The following DNAH8 variants were observed in gnomAD, a reference collection of about 807,000 sequenced individuals.
The protein encoded by DNAH8 is dynein axonemal heavy chain 8.
In DNAH8, 382 loss-of-function variants were observed where a neutral mutation model predicts 562.1. That is an observed-to-expected ratio of 0.68 (90% CI 0.63 to 0.74). The LOEUF is 0.74. DNAH8 is among the 30% of genes least tolerant of loss of function. The pLI, the probability that DNAH8 is intolerant of heterozygous loss-of-function variation, is 0.00. For synonymous variants in DNAH8, 1,881 were observed against 1,919.4 expected, an observed-to-expected ratio of 0.98 and a Z score of 0.52; for missense variants, 5,203 against 5,620.4, an observed-to-expected ratio of 0.93 and a Z score of 2.37.
intron 12 of DNAH8, among the ~76,000 whole-genome samples, chr6:38,771,038 G>T (rs1014179352): frequency 3.3e-5 from 5 of 152,166 alleles, no homozygotes; most frequent in Admixed American, 1.3e-4. Context: ...AGGACTGGTT[G>T]GGAAGGAGTG....
chr6:39,018,471 C>T (rs145512522), intron 91 of DNAH8, among the ~76,000 whole-genome samples: 9 of 152,300 alleles, frequency 5.9e-5, no homozygotes, highest in Non-Finnish European at 1.2e-4. Context: ...GTGCTCTTCT[C>T]GGCAACTTCT....
At chr6:39,010,150 C>G (rs1766092961) in intron 89 of DNAH8, among the ~76,000 whole-genome samples, 1 of 152,034 alleles carries the variant, frequency 6.6e-6, no homozygotes. Context: ...CCAGCAGAAA[C>G]AGCATCAGGG....
chr6:38,886,523 T>C (rs770093142), intron 56 of DNAH8, among the ~76,000 whole-genome samples: 5 of 152,210 alleles, frequency 3.3e-5, no homozygotes, highest in Admixed American at 6.5e-5. Flanking sequence ...AAATATCTTA[T>C]AACTCACATA....
Position 38,913,868 on chromosome 6 carries a change from G to A in DNAH8, c.9879G>A (p.Glu3293=). Residue 3293 remains glutamate, a synonymous_variant, in exon 67 of 93, where the codon GAG becomes GAA. Transcript: ENST00000327475. ...GTAAAGGTCTTGATAAACTAATGGA[G>A]GCAAGTGAATCTGTTGCTAAACTCT... The part of the protein sequence containing the change: ...RMNIGLDKLM[E]ASESVAKLSQ... The A allele has an allele frequency of 6.2e-7, 1 of 1,612,944 alleles. No individual in the cohort carries two copies. Among genetic ancestry groups the A allele is most frequent in the Non-Finnish European group, 8.5e-7 (1 of 1,179,234 alleles).
intron 87 of DNAH8, 186 bp downstream of exon 87, chr6:38,984,493 C>CACA (rs1234675465): frequency 5.4e-6 from 3 of 552,820 alleles, no homozygotes; most frequent in Non-Finnish European, 6.5e-6. Context: ...CACACACACA[C>CACA]ACAACAACCA....
chr6:38,868,340 C>T, intron 48 of DNAH8, 144 bp downstream of exon 48: 1 of 790,142 alleles, frequency 1.3e-6, no homozygotes, highest in Admixed American at 3.1e-5. Context: ...ACTGTGCTTC[C>T]AGAAGAAAGC....
intron 81 of DNAH8, 139 bp downstream of exon 81, chr6:38,949,709 T>C: frequency 3.3e-6 from 2 of 606,914 alleles, no homozygotes; most frequent in Non-Finnish European, 5.9e-6. Flanking sequence ...TGTGCCAACC[T>C]AATATTATAA....
chr6:38,761,863 C>A, intron 11 of DNAH8, 60 bp downstream of exon 11: 1 of 1,025,072 alleles, frequency 9.8e-7, no homozygotes, highest in Non-Finnish European at 1.4e-6. Flanking sequence ...CCCAATTTTA[C>A]TTTGTTTATT....
At chr6:38,911,359 T>G in intron 65 of DNAH8, 109 bp from the exon 66 acceptor site, 1 of 834,650 alleles carries the variant, frequency 1.2e-6, no homozygotes, top group Non-Finnish European at 2.1e-6. Flanking sequence ...CCTGTCTTCC[T>G]GCTAGTGAAT....
At chr6:38,973,574 G>GT in intron 83 of DNAH8, 87 bp from the exon 84 acceptor site, 1 of 1,092,242 alleles carries the variant, frequency 9.2e-7, no homozygotes. Context: ...TATTCACATG[G>GT]TTTTTAAAAA....
chr6:38,887,005 G>A lies in DNAH8; in HGVS notation c.8473+1G>A, dbSNP rs375330692. The A allele has an allele frequency of 1.5e-5, 23 of 1,584,648 alleles. No individual in the cohort carries two copies. Among genetic ancestry groups the A allele is most frequent in the Non-Finnish European group, 1.9e-5 (22 of 1,153,740 alleles). Reference sequence around the variant, plus strand: ...AATGCTTCAATAGACAAAATTTTTGGTATGAATATTCTTAGCGTTTATTTT... The same window carrying A: ...AATGCTTCAATAGACAAAATTTTTGATATGAATATTCTTAGCGTTTATTTT... On this transcript the variant is annotated splice_donor_variant, in intron 57 of 92. Coordinates refer to ENST00000327475, the MANE Select transcript of DNAH8 (RefSeq NM_001206927.2). LOFTEE classifies it high-confidence loss of function.
At chr6:38,760,339 A>G (rs554459649) in intron 10 of DNAH8, among the ~76,000 whole-genome samples, 3 of 152,226 alleles carry the variant, frequency 2.0e-5, no homozygotes, top group South Asian at 2.1e-4. Flanking sequence ...AGTATTCAGT[A>G]TTGTTGAGGA....
At position 39,012,470 on chromosome 6, in the gene DNAH8, A is replaced by G; in HGVS notation, c.13547A>G (p.Asn4516Ser). Residue 4516 changes from asparagine to serine, a missense_variant, in exon 91 of 93, where the codon AAC (asparagine) becomes AGC (serine). Coordinates refer to ENST00000327475, the MANE Select transcript of DNAH8 (RefSeq NM_001206927.2). ...CAGAATCTGAGAGATGCTCTGGACAACATGTATGATGCTCGTATACCTCAG... is the reference window on the plus strand; with the variant it reads ...CAGAATCTGAGAGATGCTCTGGACAGCATGTATGATGCTCGTATACCTCAG... ...MSENLRDALD[N>S]MYDARIPQLW... is the part of the protein sequence containing the mutation. 6.2e-7 allele frequency: 1 copy of G among 1,614,076 alleles called. No homozygotes were observed. Among genetic ancestry groups the G allele is most frequent in the Non-Finnish European group, 8.5e-7 (1 of 1,179,940 alleles).
In DNAH8 at chr6:38,770,024, A is replaced by G. The variant is rs531386865; in HGVS notation, c.1618-389A>G. Among the ~76,000 whole-genome samples, 15 of 152,296 alleles carry G rather than the reference A, an allele frequency of 9.8e-5. No homozygotes were observed. In the East Asian group the frequency reaches 2.5e-3, roughly 25 times the overall value. On this transcript the variant is annotated intron_variant, in intron 11 of 92. Transcript: ENST00000327475. ...CAAAGACTTTATGACCCTCTTTTGG[A>G]AAAATGATTGTCAGATGATAGCTTC...
At chr6:38,947,987 C>G (rs1253157846) in intron 80 of DNAH8, among the ~76,000 whole-genome samples, 1 of 152,140 alleles carries the variant, frequency 6.6e-6, no homozygotes, top group African/African-American at 2.4e-5. Flanking sequence ...AGCTCAGGCA[C>G]TCTGCCCGCC....
intron 79 of DNAH8, among the ~76,000 whole-genome samples, chr6:38,943,869 C>T: frequency 6.6e-6 from 1 of 152,162 alleles, no homozygotes; most frequent in Non-Finnish European, 1.5e-5. Context: ...ACCTTCACAG[C>T]AGCCAATCTG....
rs1765732937 is a variant in DNAH8 at position 39,005,342 on chromosome 6, G to A, written c.13215-3472G>A. ...GCACAAGAATTGCTTGAACCCAGGA[G>A]ATGGAGGTTGCAGCGAGCACCACTG... On this transcript the variant is annotated intron_variant, in intron 88 of 92. Coordinates refer to ENST00000327475, the MANE Select transcript of DNAH8 (RefSeq NM_001206927.2). 2.0e-5 allele frequency among the ~76,000 whole-genome samples: 3 copies of A among 152,300 alleles called. No homozygotes were observed. In the South Asian group the frequency reaches 6.2e-4, roughly 32 times the overall value.
At chr6:38,940,987 G>T (rs1459116433) in intron 79 of DNAH8, among the ~76,000 whole-genome samples, 1 of 152,030 alleles carries the variant, frequency 6.6e-6, no homozygotes, top group East Asian at 1.9e-4. Flanking sequence ...GGGCGTGGTG[G>T]CACGTGTCTG....
intron 56 of DNAH8, among the ~76,000 whole-genome samples, chr6:38,886,555 G>C (rs1778939339): frequency 6.6e-6 from 1 of 152,144 alleles, no homozygotes. Context: ...TTGGAAATTA[G>C]TTTGATCAAT....
Sources: gnomAD v4.1 joint callset for allele counts (sites outside exome capture counted in the v4.1 genomes callset) on GRCh38, gnomAD v4.1.1 for gene constraint, MANE v1.5 for transcripts, NCBI Gene and HGNC (gene_info 2026-07-23, HGNC 2026-07-21) for gene names.